Variants in AGBL4 observed in about 807,000 individuals in gnomAD.
AGBL4 encodes AGBL carboxypeptidase 4.
AGBL4 carries 58 observed loss-of-function variants against 66.4 expected under a neutral mutation model. The observed-to-expected ratio is 0.87, with a 90% CI of 0.71 to 1.09. AGBL4 has a LOEUF of 1.09. Ranked by LOEUF, AGBL4 falls within the 50% of genes least tolerant of loss-of-function variation. AGBL4 has a pLI of 0.00. For missense variants in AGBL4, 579 were observed against 631.0 expected (o/e 0.92, Z 0.88); for synonymous variants, 234 against 222.9 (o/e 1.05, Z -0.44).
intron 3 of AGBL4, among the ~76,000 whole-genome samples, chr1:49,696,067 C>G (rs1355090570): frequency 6.6e-6 from 1 of 152,152 alleles, no homozygotes; most frequent in Non-Finnish European, 1.5e-5. Flanking sequence ...CTAGGAGAAG[C>G]TAAACTCCCT....
intron 4 of AGBL4, among the ~76,000 whole-genome samples, chr1:49,143,371 T>C (rs1646155625): frequency 6.6e-6 from 1 of 152,204 alleles, no homozygotes; most frequent in Non-Finnish European, 1.5e-5. Flanking sequence ...GTCTTCTTGA[T>C]ACCCCATGTA....
chr1:49,303,154 T>C (rs1205357477), intron 3 of AGBL4, among the ~76,000 whole-genome samples: 3 of 152,226 alleles, frequency 2.0e-5, no homozygotes, highest in East Asian at 3.8e-4. Context: ...GAATGATTTA[T>C]ATTTCTTTGA....
intron 3 of AGBL4, among the ~76,000 whole-genome samples, chr1:49,632,771 C>G (rs1341532362): frequency 2.0e-5 from 3 of 152,120 alleles, no homozygotes; most frequent in Admixed American, 2.0e-4. Flanking sequence ...TATGGGTGAG[C>G]AAACAGGAAG....
At chr1:48,565,964 C>T (rs1164618186) in intron 11 of AGBL4, among the ~76,000 whole-genome samples, 1 of 152,116 alleles carries the variant, frequency 6.6e-6, no homozygotes, top group African/African-American at 2.4e-5. Context: ...CTCTCGAAAT[C>T]ATACTAAGGA....
chr1:49,823,949 G>A (rs970816060), intron 2 of AGBL4, among the ~76,000 whole-genome samples: 1 of 152,068 alleles, frequency 6.6e-6, no homozygotes, highest in Non-Finnish European at 1.5e-5. Flanking sequence ...AGTGGCTCAA[G>A]CCTGTAATCC....
intron 5 of AGBL4, among the ~76,000 whole-genome samples, chr1:48,976,374 T>G (rs1480808869): frequency 6.6e-6 from 1 of 152,124 alleles, no homozygotes; most frequent in Non-Finnish European, 1.5e-5. Flanking sequence ...CCAATACTGA[T>G]TCTCTGATAT....
At chr1:49,745,231 G>A (rs549961048) in intron 2 of AGBL4, among the ~76,000 whole-genome samples, 3 of 152,040 alleles carry the variant, frequency 2.0e-5, no homozygotes, top group African/African-American at 7.2e-5. Flanking sequence ...ACTATAATGG[G>A]TATACAGTAG....
At chr1:48,591,114 A>ACC in intron 9 of AGBL4, 129 bp from the exon 10 acceptor site, 3 of 720,482 alleles carry the variant, frequency 4.2e-6, no homozygotes, top group Non-Finnish European at 6.2e-6. Context: ...ACACACACAC[A>ACC]TCAAGCTGAC....
intron 5 of AGBL4, among the ~76,000 whole-genome samples, chr1:49,020,087 G>A (rs180979075): frequency 6.8e-4 from 103 of 152,278 alleles, no homozygotes; most frequent in African/African-American, 2.4e-3. Flanking sequence ...GAGTGATATG[G>A]AATAATGTTC....
intron 3 of AGBL4, among the ~76,000 whole-genome samples, chr1:49,280,358 C>T (rs1262011182): frequency 8.5e-5 from 13 of 152,182 alleles, no homozygotes; most frequent in Admixed American, 8.5e-4. Flanking sequence ...TTCTTTACTG[C>T]AATGCCATGG....
intron 9 of AGBL4, among the ~76,000 whole-genome samples, chr1:48,601,425 A>G (rs1022570723): frequency 1.3e-5 from 2 of 152,214 alleles, no homozygotes; most frequent in Non-Finnish European, 1.5e-5. Context: ...CACTGGGGAT[A>G]TGGACCTCCT....
chr1:48,872,587 C>T (rs1225573302), intron 5 of AGBL4, among the ~76,000 whole-genome samples: 3 of 152,122 alleles, frequency 2.0e-5, no homozygotes, highest in Non-Finnish European at 2.9e-5. Context: ...CAATATTCAA[C>T]TTAGAAGATA....
At chr1:49,192,846 C>A (rs1647148152) in intron 4 of AGBL4, among the ~76,000 whole-genome samples, 1 of 152,110 alleles carries the variant, frequency 6.6e-6, no homozygotes, top group Non-Finnish European at 1.5e-5. Context: ...ACACCACAAC[C>A]CAGAGTACCT....
rs374100053 is a variant in AGBL4 at position 48,654,941 on chromosome 1, A to G, written c.725-1490T>C. Among the ~76,000 whole-genome samples, 14 of 152,316 alleles carry G rather than the reference A, an allele frequency of 9.2e-5. No individual in the cohort carries two copies. In the South Asian group the frequency reaches 2.9e-3, roughly 32 times the overall value. On this transcript the variant is annotated intron_variant, in intron 7 of 13. Transcript: ENST00000371839. ...GGTAATGATGCCAGGCGCCCTTGTT[A>G]GGGGCTAATAATTGCTTAATCTGTC...
At position 49,469,419 on chromosome 1, in the gene AGBL4, A is replaced by G. The variant is rs141468905; in HGVS notation, c.283-223555T>C. On this transcript the variant is annotated intron_variant, in intron 3 of 13. Transcript: ENST00000371839. ...CCTTCAGTCTCCTTCCAATCAAATA[A>G]GAGATTGGGCCAACTAAGATTATCT... 5.9e-5 allele frequency among the ~76,000 whole-genome samples: 9 copies of G among 151,952 alleles called. No homozygotes were observed. In the East Asian group the frequency reaches 1.8e-3, roughly 30 times the overall value.
chr1:50,023,446 A>G (rs1055941857), intron 1 of AGBL4, among the ~76,000 whole-genome samples: 1 of 152,016 alleles, frequency 6.6e-6, no homozygotes, highest in Admixed American at 6.6e-5. Context: ...TAGCCCTAGG[A>G]TTAGCCTTCA....
intron 11 of AGBL4, among the ~76,000 whole-genome samples, chr1:48,553,950 C>A (rs1362858184): frequency 1.3e-5 from 2 of 152,186 alleles, no homozygotes; most frequent in East Asian, 3.9e-4. Context: ...ATTAACTTAA[C>A]TAGAAAACCT....
chr1:49,681,737 C>A (rs530929726), intron 3 of AGBL4, among the ~76,000 whole-genome samples: 1 of 152,312 alleles, frequency 6.6e-6, no homozygotes, highest in Admixed American at 6.5e-5. Flanking sequence ...AGTGTTTCTA[C>A]ATTGCAAATT....
chr1:49,914,664 A>C (rs1651206045), intron 1 of AGBL4, among the ~76,000 whole-genome samples: 1 of 152,196 alleles, frequency 6.6e-6, no homozygotes, highest in South Asian at 2.1e-4. Context: ...CCACATATTC[A>C]TATATTTGTG....
Sources: allele counts gnomAD v4.1 joint callset (sites outside exome capture counted in the v4.1 genomes callset), GRCh38; gene constraint gnomAD v4.1.1; transcripts MANE v1.5; gene names NCBI Gene and HGNC (gene_info 2026-07-23, HGNC 2026-07-21).